Variants in ENOX1 observed in about 807,000 individuals in gnomAD.
ENOX1 encodes the protein ecto-NOX disulfide-thiol exchanger 1.
In ENOX1, 42 loss-of-function variants were observed where a neutral mutation model predicts 82.5. The ratio of observed to expected loss-of-function variants is 0.51; its 90% confidence interval spans 0.40 to 0.66. The LOEUF (loss-of-function observed/expected upper bound fraction) is 0.66, where lower values mean the gene tolerates loss of function less well. Among genes scored for constraint, ENOX1 ranks in the 30% least tolerant of loss-of-function variants. ENOX1 has a pLI of 0.00. For missense variants in ENOX1, 608 were observed against 811.6 expected (o/e 0.75, Z 3.05); for synonymous variants, 271 against 282.2 (o/e 0.96, Z 0.40).
At chr13:43,551,120 A>C (rs1299101951) in intron 2 of ENOX1, among the ~76,000 whole-genome samples, 3 of 152,216 alleles carry the variant, frequency 2.0e-5, no homozygotes, top group Admixed American at 6.5e-5. Context: ...GATTTTTAAA[A>C]TAAAATAAAA....
At chr13:43,416,200 GGGGCGGCT>G (rs1566165496) in intron 3 of ENOX1, among the ~76,000 whole-genome samples, 34 of 127,692 alleles carry the variant, frequency 2.7e-4, no homozygotes, top group South Asian at 5.2e-4. Context: ...CATCCCAGAC[GGGGCGGCT>G]GGGCAGAGGC....
At chr13:43,486,745 G>T (rs1403344947) in intron 2 of ENOX1, among the ~76,000 whole-genome samples, 1 of 152,176 alleles carries the variant, frequency 6.6e-6, no homozygotes, top group Non-Finnish European at 1.5e-5. Flanking sequence ...CTTGGGCAAG[G>T]TACTAAAACT....
intron 1 of ENOX1, among the ~76,000 whole-genome samples, chr13:43,705,330 C>CTCTCTCTCTATATA (rs141765196): frequency 8.5e-5 from 11 of 129,862 alleles, no homozygotes; most frequent in African/African-American, 3.2e-4. Context: ...CTCTCTCTCT[C>CTCTCTCTCTATATA]TATATATATA....
chr13:43,479,928 T>A (rs1217229485), intron 3 of ENOX1, among the ~76,000 whole-genome samples: 1 of 151,388 alleles, frequency 6.6e-6, no homozygotes, highest in Non-Finnish European at 1.5e-5. Flanking sequence ...CTTTTATTTA[T>A]TTTTATTTTT....
At chr13:43,428,291 T>C (rs2055446841) in intron 3 of ENOX1, among the ~76,000 whole-genome samples, 1 of 152,208 alleles carries the variant, frequency 6.6e-6, no homozygotes. Context: ...ATATAAAGTT[T>C]CTACCTAGGG....
chr13:43,774,703 A>G (rs1309040815), intron 1 of ENOX1, among the ~76,000 whole-genome samples: 1 of 152,198 alleles, frequency 6.6e-6, no homozygotes, highest in Non-Finnish European at 1.5e-5. Flanking sequence ...CCTTACAGAC[A>G]GGTTCCAAAA....
intron 2 of ENOX1, among the ~76,000 whole-genome samples, chr13:43,488,202 A>G (rs1162287632): frequency 6.6e-6 from 1 of 152,194 alleles, no homozygotes; most frequent in Non-Finnish European, 1.5e-5. Flanking sequence ...GATAGTGTGA[A>G]GAGGTATAGC....
intron 3 of ENOX1, among the ~76,000 whole-genome samples, chr13:43,445,090 T>C (rs950144018): frequency 2.6e-5 from 4 of 151,870 alleles, no homozygotes; most frequent in African/African-American, 7.2e-5. Context: ...TATAGAACAA[T>C]ACTATGTTCT....
At chr13:43,341,295 C>G (rs1382035085) in intron 9 of ENOX1, among the ~76,000 whole-genome samples, 6 of 140,024 alleles carry the variant, frequency 4.3e-5, no homozygotes, top group Non-Finnish European at 6.2e-5. Flanking sequence ...GACTCCATCT[C>G]AAAAAAAAAA....
At chr13:43,664,201 T>C (rs924059) in intron 2 of ENOX1, among the ~76,000 whole-genome samples, 151,378 of 152,294 alleles carry the variant, frequency 0.99, 75,240 homozygotes, top group Middle Eastern at 1. Context: ...CTCATTTGCC[T>C]TTTTTTAAAA....
At chr13:43,215,212 C>A (rs1230482303) in intron 16 of ENOX1, among the ~76,000 whole-genome samples, 1 of 152,170 alleles carries the variant, frequency 6.6e-6, no homozygotes, top group African/African-American at 2.4e-5. Flanking sequence ...GTCAAATCAA[C>A]TGTTTATTTA....
chr13:43,543,406 T>C (rs1371572186), intron 2 of ENOX1, among the ~76,000 whole-genome samples: 1 of 152,146 alleles, frequency 6.6e-6, no homozygotes, highest in Non-Finnish European at 1.5e-5. Flanking sequence ...ATGAAATATT[T>C]TGTTTCACAT....
At chr13:43,402,407 T>C (rs2053549776) in intron 5 of ENOX1, among the ~76,000 whole-genome samples, 1 of 152,198 alleles carries the variant, frequency 6.6e-6, no homozygotes, top group Non-Finnish European at 1.5e-5. Flanking sequence ...TAATTATTTA[T>C]ATAAATGAAC....
At chr13:43,725,751 A>C (rs1251776139) in intron 1 of ENOX1, among the ~76,000 whole-genome samples, 1 of 151,218 alleles carries the variant, frequency 6.6e-6, no homozygotes, top group Non-Finnish European at 1.5e-5. Flanking sequence ...AGATCACTTG[A>C]GCTCAGGAGT....
intron 5 of ENOX1, among the ~76,000 whole-genome samples, chr13:43,362,853 G>A (rs1321603186): frequency 6.6e-6 from 1 of 152,170 alleles, no homozygotes; most frequent in East Asian, 1.9e-4. Flanking sequence ...GAGGACTGCT[G>A]TCCCATTTAT....
At chr13:43,416,859 C>A (rs76368071) in intron 3 of ENOX1, among the ~76,000 whole-genome samples, 16,801 of 152,226 alleles carry the variant, frequency 0.11, 984 homozygotes, top group East Asian at 0.24. Context: ...CCAAGGCAGG[C>A]CGCTGGGAGG....
At chr13:43,446,405 A>T (rs1185424783) in intron 3 of ENOX1, among the ~76,000 whole-genome samples, 1 of 151,876 alleles carries the variant, frequency 6.6e-6, no homozygotes, top group African/African-American at 2.4e-5. Context: ...TGTGGCCCAG[A>T]TTACCAGAAT....
At chr13:43,635,912 C>T (rs550599006) in intron 2 of ENOX1, among the ~76,000 whole-genome samples, 12 of 152,184 alleles carry the variant, frequency 7.9e-5, no homozygotes, top group Non-Finnish European at 1.6e-4. Context: ...CTCATAAGCC[C>T]TCTCGCACCA....
chr13:43,340,025 G>A (rs1206502181), intron 9 of ENOX1, among the ~76,000 whole-genome samples: 1 of 152,182 alleles, frequency 6.6e-6, no homozygotes, highest in Non-Finnish European at 1.5e-5. Context: ...CAGAGCTGTG[G>A]AAAGCAAGAA....
Sources: allele counts gnomAD v4.1 joint callset (sites outside exome capture counted in the v4.1 genomes callset), GRCh38; gene constraint gnomAD v4.1.1; transcripts MANE v1.5; gene names NCBI Gene and HGNC (gene_info 2026-07-23, HGNC 2026-07-21).